The following GSE1 variants were observed in gnomAD, a reference collection of about 807,000 sequenced individuals.
GSE1 encodes the protein Gse1 coiled-coil protein.
GSE1 carries 32 observed loss-of-function variants against 112.6 expected under a neutral mutation model. The ratio of observed to expected loss-of-function variants is 0.28; its 90% CI spans 0.21 to 0.38. GSE1 has a LOEUF of 0.38. Among genes scored for constraint, GSE1 ranks in the 10% least tolerant of loss-of-function variants. The pLI is 1.00. For missense variants in GSE1, 2,348 were observed against 1,699.2 expected (o/e 1.38, Z -6.71); for synonymous variants, 1,115 against 735.6 (o/e 1.52, Z -8.35).
chr16:85,202,781 G>C (rs1008075291), intron 1 of GSE1, among the ~76,000 whole-genome samples: 28 of 152,340 alleles, frequency 1.8e-4, no homozygotes, highest in African/African-American at 6.7e-4. Flanking sequence ...TGGGAGTCCA[G>C]ATGCTGTGCT....
At chr16:85,494,044 C>T (rs1478510467) in intron 2 of GSE1, among the ~76,000 whole-genome samples, 3 of 152,220 alleles carry the variant, frequency 2.0e-5, no homozygotes, top group African/African-American at 4.8e-5. Flanking sequence ...ATTGCACTCC[C>T]GCCTGGGCGA....
At chr16:85,658,175 C>T (rs1567742326) in intron 8 of GSE1, among the ~76,000 whole-genome samples, 2 of 152,220 alleles carry the variant, frequency 1.3e-5, no homozygotes, top group South Asian at 4.1e-4. Flanking sequence ...CCCCAGTGCC[C>T]CCAGTCCTCC....
At chr16:85,294,116 C>A (rs1021150354) in intron 1 of GSE1, among the ~76,000 whole-genome samples, 1 of 152,218 alleles carries the variant, frequency 6.6e-6, no homozygotes, top group African/African-American at 2.4e-5. Context: ...CCCGCAACAG[C>A]CAAGCCAGGT....
intron 2 of GSE1, among the ~76,000 whole-genome samples, chr16:85,534,749 C>G (rs540361710): frequency 2.0e-5 from 3 of 152,320 alleles, no homozygotes; most frequent in African/African-American, 7.2e-5. Context: ...GTTTTGCCTG[C>G]TGTGGAACCT....
intron 1 of GSE1, among the ~76,000 whole-genome samples, chr16:85,320,397 G>C (rs1333508267): frequency 3.3e-5 from 5 of 152,162 alleles, no homozygotes; most frequent in Non-Finnish European, 5.9e-5. Context: ...GAATCCAAGA[G>C]CTCACAGAAC....
rs2046346109 is a variant in GSE1, at chr16:85,331,385, ATATATATGTG to A, written c.2284-26068_2284-26059del. Among the ~76,000 whole-genome samples, 12 of 135,862 alleles carry A rather than the reference ATATATATGTG, an allele frequency of 8.8e-5. 1 individual carries two copies. The highest frequency in any genetic ancestry group is 2.1e-4 in the African/African-American group (8 of 37,532). The allele number at this position is 135,862 out of a possible 152,430, so 89.1% of individuals were successfully genotyped here. A position where few individuals can be genotyped will look rare whatever the true frequency, so the allele number is the denominator to read the frequency against. ...TGTGTGTATATATGTATATATATGT[ATATATATGTG>A]TATATATGTATATATATGCGTATAT... On this transcript the variant is annotated intron_variant, in intron 1 of 2. Transcript: ENST00000637419.
intron 2 of GSE1, among the ~76,000 whole-genome samples, chr16:85,427,529 C>G (rs1171721304): frequency 2.0e-5 from 3 of 152,198 alleles, no homozygotes; most frequent in Non-Finnish European, 4.4e-5. Context: ...GTAATCCCAG[C>G]TACTCGGGAG....
At chr16:85,482,471 C>T (rs941054590) in intron 2 of GSE1, among the ~76,000 whole-genome samples, 7 of 151,368 alleles carry the variant, frequency 4.6e-5, no homozygotes, top group South Asian at 4.2e-4. Context: ...CGACCTGCAG[C>T]GGGTCCCTCA....
chr16:85,207,604 T>C (rs1009260554), intron 1 of GSE1, among the ~76,000 whole-genome samples: 1 of 152,176 alleles, frequency 6.6e-6, no homozygotes, highest in Admixed American at 6.5e-5. Context: ...CTGCAGGCGC[T>C]GGTGTGAGGA....
intron 1 of GSE1, among the ~76,000 whole-genome samples, chr16:85,208,099 G>C (rs1234239339): frequency 3.3e-5 from 5 of 152,140 alleles, no homozygotes; most frequent in African/African-American, 1.2e-4. Flanking sequence ...CATTAGGAGG[G>C]AGTCAGGATG....
intron 1 of GSE1, among the ~76,000 whole-genome samples, chr16:85,326,027 G>A (rs959810210): frequency 6.6e-6 from 1 of 152,202 alleles, no homozygotes; most frequent in Non-Finnish European, 1.5e-5. Flanking sequence ...GATTACAGGT[G>A]TGAGCCACCA....
chr16:85,486,701 C>T (rs958399024), intron 2 of GSE1, among the ~76,000 whole-genome samples: 2 of 152,158 alleles, frequency 1.3e-5, no homozygotes, highest in African/African-American at 2.4e-5. Flanking sequence ...CTCCTGCCGC[C>T]TCCAGCAGCC....
intron 2 of GSE1, among the ~76,000 whole-genome samples, chr16:85,507,596 C>T (rs768852251): frequency 6.6e-6 from 1 of 152,130 alleles, no homozygotes; most frequent in Non-Finnish European, 1.5e-5. Context: ...GGTTGCTTTC[C>T]TCTGGGGCCC....
intron 2 of GSE1, among the ~76,000 whole-genome samples, chr16:85,544,914 C>T (rs982129028): frequency 1.3e-5 from 2 of 152,214 alleles, no homozygotes; most frequent in African/African-American, 2.4e-5. Context: ...GCCAGCCGTG[C>T]CCGCGCTGTC....
chr16:85,216,496 A>G (rs2075308707), intron 1 of GSE1, among the ~76,000 whole-genome samples: 1 of 152,150 alleles, frequency 6.6e-6, no homozygotes, highest in Non-Finnish European at 1.5e-5. Context: ...CATAGCTAAT[A>G]TAATATTTTT....
chr16:85,608,746 C>T (rs887053632), upstream of GSE1, among the ~76,000 whole-genome samples: 1 of 152,228 alleles, frequency 6.6e-6, no homozygotes, highest in African/African-American at 2.4e-5. Flanking sequence ...CAGTGACATG[C>T]GCTGAGCAGC....
Position 85,211,621 on chromosome 16 carries a change from G to A in GSE1, c.2283+39814G>A, listed in dbSNP as rs144025602. Among the ~76,000 whole-genome samples, 825 of 152,304 alleles carry A rather than the reference G, an allele frequency of 5.4e-3. 7 individuals are homozygous for A. The highest frequency in any genetic ancestry group is 9.5e-3 in the Non-Finnish European group (645 of 68,024). ...CCCTTTGCAGGTGGTGACTTGTGGC[G>A]GGAACCACTTGGAGCTGTGTGGTTC... On this transcript the variant is annotated intron_variant, in intron 1 of 2. Transcript: ENST00000637419.
chr16:85,343,575 C>A lies in GSE1; in HGVS notation c.2284-13888C>A, dbSNP rs144074230. ...ATGAGCTTGGACAACATAGCCAGACCCCATCTCTACAAAAAATAAATAATT... is the reference window on the plus strand; with the variant it reads ...ATGAGCTTGGACAACATAGCCAGACACCATCTCTACAAAAAATAAATAATT... On this transcript the variant is annotated intron_variant, in intron 1 of 2. Coordinates refer to the GSE1 transcript ENST00000637419. Among the ~76,000 whole-genome samples, 1,143 of 152,070 alleles carry A rather than the reference C, an allele frequency of 7.5e-3. 19 individuals are homozygous for A. Among genetic ancestry groups the A allele is most frequent in the African/African-American group, 0.026 (1,082 of 41,442 alleles).
chr16:85,513,470 G>T (rs2051814241), intron 2 of GSE1, among the ~76,000 whole-genome samples: 1 of 152,070 alleles, frequency 6.6e-6, no homozygotes, highest in Admixed American at 6.5e-5. Context: ...ACTGTGGGGG[G>T]CTCCTGCAGG....
Sources: gnomAD v4.1 joint callset for allele counts (sites outside exome capture counted in the v4.1 genomes callset) on GRCh38, gnomAD v4.1.1 for gene constraint, MANE v1.5 for transcripts, NCBI Gene and HGNC (gene_info 2026-07-23, HGNC 2026-07-21) for gene names.